OPCML: variants seen among roughly 807,000 people sequenced by gnomAD.
OPCML encodes the protein opioid binding protein/cell adhesion molecule like, also known as opioid-binding protein/cell adhesion molecule.
In OPCML, 13 loss-of-function variants were observed where a neutral mutation model predicts 37.8. The ratio of observed to expected loss-of-function variants is 0.34; its 90% confidence interval spans 0.22 to 0.55. The LOEUF (loss-of-function observed/expected upper bound fraction) is 0.55. OPCML is among the 20% of genes least tolerant of loss of function. OPCML has a pLI of 0.91. For synonymous variants in OPCML, 176 were observed against 168.8 expected (o/e 1.04, Z -0.33); for missense variants, 341 against 435.6 (o/e 0.78, Z 1.93).
At chr11:132,912,594 G>A (rs891920569) in intron 2 of OPCML, among the ~76,000 whole-genome samples, 2 of 152,130 alleles carry the variant, frequency 1.3e-5, no homozygotes, top group Admixed American at 6.5e-5. Context: ...AAATGGATTA[G>A]AAAAATATCA....
intron 1 of OPCML, among the ~76,000 whole-genome samples, chr11:133,181,503 C>G (rs1415818292): frequency 1.3e-5 from 2 of 152,050 alleles, no homozygotes. Context: ...ATGAACCTTT[C>G]TCCATCTATT....
chr11:132,919,994 G>C (rs1346430061), intron 2 of OPCML, among the ~76,000 whole-genome samples: 3 of 152,206 alleles, frequency 2.0e-5, no homozygotes, highest in African/African-American at 4.8e-5. Context: ...AGATGGAAGG[G>C]GGAAATGGGG....
chr11:133,098,111 A>C (rs1425489206), intron 1 of OPCML, among the ~76,000 whole-genome samples: 1 of 152,212 alleles, frequency 6.6e-6, no homozygotes, highest in Non-Finnish European at 1.5e-5. Flanking sequence ...ACAGAAGAAA[A>C]ATCCCCAACA....
intron 1 of OPCML, among the ~76,000 whole-genome samples, chr11:133,380,874 G>A (rs1196480886): frequency 6.6e-6 from 1 of 152,164 alleles, no homozygotes; most frequent in African/African-American, 2.4e-5. Context: ...CAGGAGTGAT[G>A]ACAGAAACCT....
At chr11:133,481,440 TAAAA>T (rs1337812464) in intron 1 of OPCML, among the ~76,000 whole-genome samples, 137 of 107,890 alleles carry the variant, frequency 1.3e-3, no homozygotes, top group African/African-American at 3.1e-3. Context: ...TCTCCCCAGT[TAAAA>T]AAATAAATAA....
At chr11:132,603,930 G>A (rs1250692083) in intron 3 of OPCML, among the ~76,000 whole-genome samples, 3 of 152,164 alleles carry the variant, frequency 2.0e-5, no homozygotes, top group Non-Finnish European at 2.9e-5. Context: ...CCCAGCACCC[G>A]TAATACTTTA....
intron 1 of OPCML, among the ~76,000 whole-genome samples, chr11:133,040,917 T>C (rs1270804180): frequency 2.6e-5 from 4 of 152,082 alleles, no homozygotes; most frequent in Non-Finnish European, 5.9e-5. Context: ...TACAAAGAGC[T>C]GAATGTAAAA....
intron 1 of OPCML, among the ~76,000 whole-genome samples, chr11:133,457,940 T>C (rs1054613978): frequency 7.2e-5 from 11 of 151,778 alleles, no homozygotes; most frequent in Non-Finnish European, 2.9e-5. Flanking sequence ...AGGTCAGGAG[T>C]TCGAGACCAG....
chr11:132,813,783 A>G (rs1034419016), intron 2 of OPCML, among the ~76,000 whole-genome samples: 2 of 151,840 alleles, frequency 1.3e-5, no homozygotes, highest in Admixed American at 6.6e-5. Context: ...CTTAATTCTC[A>G]TCTCAGCTGC....
chr11:132,888,380 T>G (rs112248821), intron 2 of OPCML, among the ~76,000 whole-genome samples: 4 of 152,238 alleles, frequency 2.6e-5, no homozygotes, highest in Middle Eastern at 3.4e-3. Context: ...CTGTCTCTGA[T>G]GTGTGACAAA....
chr11:132,501,312 T>C (rs180774563), intron 4 of OPCML, among the ~76,000 whole-genome samples: 75 of 152,342 alleles, frequency 4.9e-4, no homozygotes, highest in South Asian at 1.7e-3. Flanking sequence ...ATTCAGGACG[T>C]AGGCATGAGC....
intron 1 of OPCML, among the ~76,000 whole-genome samples, chr11:133,473,595 C>T (rs1438060619): frequency 1.3e-5 from 2 of 152,080 alleles, no homozygotes; most frequent in Non-Finnish European, 2.9e-5. Flanking sequence ...AGACGAGACT[C>T]AAAAAGAGAG....
chr11:132,818,651 T>TAC (rs1939781583), intron 2 of OPCML, among the ~76,000 whole-genome samples: 3 of 10 alleles, frequency 0.3, 1 homozygote, highest in African/African-American at 0.5. Flanking sequence ...TGAGTGTATA[T>TAC]ATATATATAG....
intron 4 of OPCML, among the ~76,000 whole-genome samples, chr11:132,491,820 T>A (rs576887313): frequency 6.6e-6 from 1 of 152,196 alleles, no homozygotes; most frequent in South Asian, 2.1e-4. Context: ...AGGAATCATA[T>A]GCTGGGACAG....
chr11:132,532,500 T>G (rs2096328507), intron 3 of OPCML, among the ~76,000 whole-genome samples: 1 of 152,196 alleles, frequency 6.6e-6, no homozygotes, highest in Admixed American at 6.5e-5. Context: ...AGAATAAATA[T>G]TCTCACTATT....
intron 1 of OPCML, among the ~76,000 whole-genome samples, chr11:133,459,173 T>C (rs1351114187): frequency 6.6e-6 from 1 of 152,074 alleles, no homozygotes; most frequent in African/African-American, 2.4e-5. Flanking sequence ...GTCATAACTT[T>C]AGAATGTTAT....
At chr11:133,486,944 ACT>A (rs987292032) in intron 1 of OPCML, among the ~76,000 whole-genome samples, 55 of 147,580 alleles carry the variant, frequency 3.7e-4, no homozygotes, top group African/African-American at 1.3e-3. Flanking sequence ...TGCATCAAAA[ACT>A]CTCTGGCTCT....
intron 3 of OPCML, among the ~76,000 whole-genome samples, chr11:132,604,288 A>G (rs1299205529): frequency 6.6e-6 from 1 of 151,706 alleles, no homozygotes; most frequent in Non-Finnish European, 1.5e-5. Context: ...TCGTAAAAAA[A>G]AAAATACAGG....
At chr11:133,525,469 G>T (rs1948471201) in intron 1 of OPCML, among the ~76,000 whole-genome samples, 2 of 152,186 alleles carry the variant, frequency 1.3e-5, no homozygotes, top group African/African-American at 4.8e-5. Context: ...TGGGTCATTT[G>T]AAGTGTTTCG....
Sources: gnomAD v4.1 joint callset for allele counts (sites outside exome capture counted in the v4.1 genomes callset) on GRCh38, gnomAD v4.1.1 for gene constraint, MANE v1.5 for transcripts, NCBI Gene and HGNC (gene_info 2026-07-23, HGNC 2026-07-21) for gene names.